Variants in FIRRM observed in about 807,000 individuals in gnomAD.
FIRRM encodes FIGNL1 interacting regulator of recombination and mitosis, also known as FIGNL1-interacting regulator of recombination and mitosis.
At chr1:169,800,622 C>A in the FIRRM span, among the ~76,000 whole-genome samples, 4 of 151,446 alleles carry the variant, frequency 2.6e-5, no homozygotes, top group Non-Finnish European at 5.9e-5. Flanking sequence ...TTTAAAATGT[C>A]ATTTTAATGA....
the FIRRM span, chr1:169,829,233 T>A: frequency 6.7e-7 from 1 of 1,484,712 alleles, no homozygotes; most frequent in Non-Finnish European, 9.0e-7. Flanking sequence ...GTTATTAATG[T>A]TGGGTTCAAT....
chr1:169,851,662 C>T, the FIRRM span: 3 of 829,274 alleles, frequency 3.6e-6, no homozygotes, highest in African/African-American at 1.7e-5. Context: ...TGATTTAATC[C>T]AGATTATACT....
At chr1:169,842,479 A>G in the FIRRM span, 2 of 1,614,084 alleles carry the variant, frequency 1.2e-6, no homozygotes, top group Non-Finnish European at 1.7e-6. Context: ...TGGATACAGG[A>G]AAACAAACTG....
the FIRRM span, chr1:169,830,332 T>C: frequency 2.5e-6 from 4 of 1,613,764 alleles, no homozygotes; most frequent in East Asian, 8.9e-5. Context: ...GCATGGTGCT[T>C]CCTTGCTCGG....
the FIRRM span, chr1:169,850,528 C>G: frequency 2.0e-6 from 1 of 508,676 alleles, no homozygotes; most frequent in South Asian, 2.5e-5. Context: ...CCAGGCGCGG[C>G]GGCTCATGCC....
chr1:169,794,238 C>G, the FIRRM span, among the ~76,000 whole-genome samples: 1 of 152,222 alleles, frequency 6.6e-6, no homozygotes, highest in South Asian at 2.1e-4. Flanking sequence ...TTGTGTCCAA[C>G]CATATTCACC....
the FIRRM span, among the ~76,000 whole-genome samples, chr1:169,806,525 A>C: frequency 3.0e-4 from 46 of 152,358 alleles, no homozygotes; most frequent in African/African-American, 1.1e-3. Flanking sequence ...TCTGAAACTG[A>C]AGCATTTTAA....
chr1:169,821,815 T>A, the FIRRM span: 1 of 1,154,528 alleles, frequency 8.7e-7, no homozygotes, highest in Non-Finnish European at 1.3e-6. Context: ...GAAAACGAAT[T>A]ATTATCCCTA....
At chr1:169,834,962 G>A in the FIRRM span, among the ~76,000 whole-genome samples, 3 of 152,288 alleles carry the variant, frequency 2.0e-5, no homozygotes, top group Admixed American at 6.5e-5. Context: ...AAGAGGTGCA[G>A]TATGGGAACA....
At chr1:169,794,220 G>A in the FIRRM span, among the ~76,000 whole-genome samples, 2 of 152,212 alleles carry the variant, frequency 1.3e-5, no homozygotes, top group African/African-American at 2.4e-5. Context: ...TCTTTCAGCT[G>A]TCTTGATTTG....
chr1:169,811,869 T>TAA, the FIRRM span, among the ~76,000 whole-genome samples: 2 of 142,704 alleles, frequency 1.4e-5, no homozygotes, highest in East Asian at 3.1e-4. Flanking sequence ...GATAGATAGA[T>TAA]TAGATAGATA....
chr1:169,840,540 T>C, the FIRRM span, among the ~76,000 whole-genome samples: 1 of 151,290 alleles, frequency 6.6e-6, no homozygotes, highest in Non-Finnish European at 1.5e-5. Context: ...AGACGGAGTC[T>C]CGCACTGTCG....
chr1:169,794,870 C>T, the FIRRM span: 1 of 531,846 alleles, frequency 1.9e-6, no homozygotes, highest in African/African-American at 1.9e-5. Flanking sequence ...AAAAGCTCAC[C>T]TCACAACGCC....
At chr1:169,820,166 C>G in the FIRRM span, among the ~76,000 whole-genome samples, 1 of 152,034 alleles carries the variant, frequency 6.6e-6, no homozygotes, top group South Asian at 2.1e-4. Flanking sequence ...GACAGTTGAT[C>G]TGAGTAACAG....
the FIRRM span, among the ~76,000 whole-genome samples, chr1:169,786,559 G>A: frequency 3.3e-5 from 5 of 152,168 alleles, no homozygotes; most frequent in East Asian, 1.9e-4. Flanking sequence ...CTTTCCACAC[G>A]CATTCTCCCT....
the FIRRM span, chr1:169,804,359 C>A: frequency 1.5e-4 from 128 of 861,128 alleles, no homozygotes; most frequent in African/African-American, 2.1e-3. Context: ...TGATTTAAAT[C>A]TTACCAAATA....
the FIRRM span, chr1:169,853,545 A>C: frequency 1.5e-6 from 1 of 675,706 alleles, no homozygotes. Context: ...TTTAGCCAGC[A>C]CTCACAGTCA....
the FIRRM span, chr1:169,794,972 A>T: frequency 5.7e-6 from 4 of 697,718 alleles, no homozygotes; most frequent in Non-Finnish European, 9.7e-6. Context: ...ACCCGGGCTC[A>T]CCAAGAAACC....
At chr1:169,843,078 T>C in the FIRRM span, among the ~76,000 whole-genome samples, 1 of 152,206 alleles carries the variant, frequency 6.6e-6, no homozygotes, top group Non-Finnish European at 1.5e-5. Flanking sequence ...TTTGACTAAG[T>C]AGAAATTAAC....
Sources: allele counts gnomAD v4.1 joint callset (sites outside exome capture counted in the v4.1 genomes callset), GRCh38; gene constraint gnomAD v4.1.1; transcripts MANE v1.5; gene names NCBI Gene and HGNC (gene_info 2026-07-23, HGNC 2026-07-21).